Variants in NRG3 observed in about 807,000 individuals in gnomAD.
The protein encoded by NRG3 is neuregulin 3, also known as pro-neuregulin-3, membrane-bound isoform.
NRG3 carries 31 observed loss-of-function variants against 66.9 expected under a neutral mutation model. The observed-to-expected ratio is 0.46, with a 90% CI of 0.35 to 0.63. NRG3 has a LOEUF of 0.63. NRG3 is among the 20% of genes least tolerant of loss of function. The pLI, the probability that NRG3 is intolerant of heterozygous loss-of-function variation, is 0.00. For missense variants in NRG3, 910 were observed against 878.9 expected (o/e 1.04, Z -0.45); for synonymous variants, 393 against 359.4 (o/e 1.09, Z -1.06).
chr10:82,363,919 A>G (rs1204971912), intron 2 of NRG3, among the ~76,000 whole-genome samples: 4 of 152,312 alleles, frequency 2.6e-5, no homozygotes, highest in East Asian at 1.9e-4. Flanking sequence ...AGGATATCCA[A>G]TGGTCACTAT....
chr10:82,322,087 C>A (rs1427125197), intron 1 of NRG3, among the ~76,000 whole-genome samples: 3 of 152,088 alleles, frequency 2.0e-5, no homozygotes, highest in East Asian at 3.9e-4. Context: ...AGTTTTTATT[C>A]TTCTAGGAAT....
intron 2 of NRG3, among the ~76,000 whole-genome samples, chr10:82,460,456 A>T (rs983025921): frequency 6.6e-6 from 1 of 152,222 alleles, no homozygotes; most frequent in African/African-American, 2.4e-5. Flanking sequence ...TACTAAATTT[A>T]TGATGAATAT....
chr10:82,608,336 T>A (rs1565122060), intron 2 of NRG3, among the ~76,000 whole-genome samples: 3 of 152,168 alleles, frequency 2.0e-5, no homozygotes, highest in Admixed American at 1.3e-4. Context: ...TTTTCAAGAT[T>A]TTTCTCTTTG....
In NRG3 at chr10:82,424,643, C is replaced by G. The variant is rs775458605; in HGVS notation, c.953+65775C>G. Among the ~76,000 whole-genome samples, 3 of 151,944 alleles carry G rather than the reference C, an allele frequency of 2.0e-5. 1 individual carries two copies. The highest frequency in any genetic ancestry group is 1.3e-4 in the Admixed American group (2 of 15,216). ...TAAAGTGCAAAAGAGTTAATTTTGA[C>G]AAAGTTAAATTTACACATTTCTTTT... On this transcript the variant is annotated intron_variant, in intron 2 of 8. Transcript: ENST00000372141.
chr10:82,493,057 C>G (rs998438312), intron 2 of NRG3, among the ~76,000 whole-genome samples: 4 of 151,818 alleles, frequency 2.6e-5, no homozygotes, highest in African/African-American at 9.7e-5. Flanking sequence ...GGAACAAGCG[C>G]AGTCCAGGTG....
intron 1 of NRG3, among the ~76,000 whole-genome samples, chr10:82,174,199 G>A (rs901247927): frequency 6.6e-6 from 1 of 152,052 alleles, no homozygotes; most frequent in Non-Finnish European, 1.5e-5. Flanking sequence ...TGAAAGACTA[G>A]TAGTCCCATT....
At position 82,552,115 on chromosome 10, in the gene NRG3, T is replaced by G. The variant is rs73311956; in HGVS notation, c.954-186462T>G. On this transcript the variant is annotated intron_variant, in intron 2 of 8. Transcript: ENST00000372141. Reference sequence around the variant, plus strand: ...TTTTCTTCAACAGGTGCAAAATGCATAAATCCACTAAATAATTGAGGGTTG... The same window carrying G: ...TTTTCTTCAACAGGTGCAAAATGCAGAAATCCACTAAATAATTGAGGGTTG... Among the ~76,000 whole-genome samples, 590 of 152,162 alleles carry G rather than the reference T, an allele frequency of 3.9e-3. 3 individuals are homozygous for G. Among genetic ancestry groups the G allele is most frequent in the African/African-American group, 0.014 (572 of 41,530 alleles).
intron 2 of NRG3, among the ~76,000 whole-genome samples, chr10:82,521,498 G>A (rs1846175311): frequency 6.6e-6 from 1 of 151,780 alleles, no homozygotes; most frequent in Non-Finnish European, 1.5e-5. Context: ...CCGCCACCAC[G>A]CCCTGCTATT....
At chr10:82,531,764 A>G (rs1847297295) in intron 2 of NRG3, among the ~76,000 whole-genome samples, 1 of 151,902 alleles carries the variant, frequency 6.6e-6, no homozygotes. Context: ...ACCTAATCTT[A>G]GTCAACAGAT....
chr10:82,707,018 A>AATAAATATAT (rs1184688350), intron 2 of NRG3, among the ~76,000 whole-genome samples: 329 of 141,288 alleles, frequency 2.3e-3, no homozygotes, highest in African/African-American at 7.8e-3. Context: ...AAATAAAATA[A>AATAAATATAT]ATATATATAT....
intron 6 of NRG3, among the ~76,000 whole-genome samples, chr10:82,972,049 C>T (rs1851808181): frequency 6.6e-6 from 1 of 152,040 alleles, no homozygotes; most frequent in Non-Finnish European, 1.5e-5. Context: ...TCTAACCATC[C>T]ACAGTTTTTA....
chr10:82,528,685 A>G (rs1022901432), intron 2 of NRG3, among the ~76,000 whole-genome samples: 1 of 152,148 alleles, frequency 6.6e-6, no homozygotes, highest in Non-Finnish European at 1.5e-5. Context: ...AGTGTTGAGT[A>G]AAAATACATT....
chr10:82,613,241 A>T (rs898695809), intron 2 of NRG3, among the ~76,000 whole-genome samples: 1 of 152,144 alleles, frequency 6.6e-6, no homozygotes, highest in African/African-American at 2.4e-5. Flanking sequence ...TGCAATGGCA[A>T]TACATATATT....
Position 82,985,745 on chromosome 10 carries a change from G to GT in NRG3, c.*146dup. Reference sequence around the variant, plus strand: ...TAGTCTATCGCCCTCATATCATAGTGTTTTTTAACAAAATATTTTTTTAAG... The same window carrying GT: ...TAGTCTATCGCCCTCATATCATAGTGTTTTTTTAACAAAATATTTTTTTAAG... On this transcript the variant is annotated 3_prime_UTR_variant, in exon 9 of 9. Coordinates refer to ENST00000372141, the MANE Select transcript of NRG3 (RefSeq NM_001010848.4). 1.1e-6 allele frequency: 1 copy of GT among 897,942 alleles called. No homozygotes were observed. Among genetic ancestry groups the GT allele is most frequent in the Non-Finnish European group, 1.7e-6 (1 of 599,606 alleles). 55.6% of individuals were successfully genotyped at this position (897,942 alleles called of 1,614,324 possible).
rs144543954 is a variant in NRG3 at position 82,246,088 on chromosome 10, G to C, written c.824-112651G>C. 4.3e-3 allele frequency among the ~76,000 whole-genome samples: 647 copies of C among 149,382 alleles called. 4 individuals are homozygous for C. The highest frequency in any genetic ancestry group is 0.011 in the Admixed American group (157 of 14,834). On this transcript the variant is annotated intron_variant, in intron 1 of 8. Coordinates refer to ENST00000372141, the MANE Select transcript of NRG3 (RefSeq NM_001010848.4). ...TGAGAGCTAGAGGATAAGATCTTGT[G>C]ATAATAAATTTTTGAGGTTAGTCTC... is the stretch of plus-strand genomic sequence containing the variant.
chr10:82,843,824 A>G (rs1196167429), intron 3 of NRG3, among the ~76,000 whole-genome samples: 1 of 152,208 alleles, frequency 6.6e-6, no homozygotes, highest in Non-Finnish European at 1.5e-5. Context: ...GGTTAATGGG[A>G]TGAATCAGGA....
chr10:82,200,972 C>T (rs575763287), intron 1 of NRG3, among the ~76,000 whole-genome samples: 1 of 151,806 alleles, frequency 6.6e-6, no homozygotes, highest in Non-Finnish European at 1.5e-5. Context: ...CCGAGGTGGG[C>T]GGATCACGAG....
chr10:82,173,938 C>T (rs1398751904), intron 1 of NRG3, among the ~76,000 whole-genome samples: 8 of 152,012 alleles, frequency 5.3e-5, no homozygotes, highest in African/African-American at 7.2e-5. Flanking sequence ...CTCCTTCGTC[C>T]GTTATATTTG....
chr10:82,388,508 ATTAAT>A (rs958610779), intron 2 of NRG3, among the ~76,000 whole-genome samples: 7 of 152,198 alleles, frequency 4.6e-5, no homozygotes, highest in Non-Finnish European at 7.3e-5. Context: ...AAATAATAAA[ATTAAT>A]TTAAGATCAT....
Sources: allele counts gnomAD v4.1 joint callset (sites outside exome capture counted in the v4.1 genomes callset), GRCh38; gene constraint gnomAD v4.1.1; transcripts MANE v1.5; gene names NCBI Gene and HGNC (gene_info 2026-07-23, HGNC 2026-07-21).